The following SLC41A3 variants were observed in gnomAD, a reference collection of about 807,000 sequenced individuals.
SLC41A3 encodes the protein solute carrier family 41 member 3.
Under a neutral mutation model 45.4 loss-of-function variants are expected in SLC41A3, and 44 were observed. The ratio of observed to expected loss-of-function variants is 0.97; its 90% confidence interval spans 0.76 to 1.25. The LOEUF is 1.25. Ranked by LOEUF, SLC41A3 falls within the 50% of genes most tolerant of loss-of-function variation. The pLI is 0.00. For synonymous variants in SLC41A3, 256 were observed against 252.4 expected (o/e 1.01, Z -0.13); for missense variants, 550 against 600.6 (o/e 0.92, Z 0.88).
At chr3:126,086,410 T>TTTTTTTTG, upstream of SLC41A3, among the ~76,000 whole-genome samples, 6 of 128,782 alleles carry the variant, frequency 4.7e-5, no homozygotes, top group Non-Finnish European at 1.0e-4. Context: ...GTTTTCTTGT[T>TTTTTTTTG]TTTTTTTTTT....
At chr3:126,022,414 GAGGGGC>G (rs931219754) in intron 6 of SLC41A3, among the ~76,000 whole-genome samples, 9 of 152,232 alleles carry the variant, frequency 5.9e-5, no homozygotes, top group African/African-American at 2.2e-4. Context: ...ACCCAAGGTC[GAGGGGC>G]AGCATTTGGT....
upstream of SLC41A3, among the ~76,000 whole-genome samples, chr3:126,086,958 G>A (rs916047854): frequency 7.2e-5 from 11 of 152,088 alleles, no homozygotes; most frequent in Admixed American, 5.2e-4. Context: ...TCAAGTTCAC[G>A]TGACAAGTAA....
At chr3:126,033,945 C>T (rs377006671) in intron 3 of SLC41A3, among the ~76,000 whole-genome samples, 2 of 46 alleles carry the variant, frequency 0.043, no homozygotes, top group Non-Finnish European at 0.11. Context: ...ATGACTGCAC[C>T]ACCTGCACAC....
intron 2 of SLC41A3, among the ~76,000 whole-genome samples, chr3:126,055,478 C>T (rs7432425): frequency 0.24 from 35,859 of 152,028 alleles, 4,583 homozygotes; most frequent in Non-Finnish European, 0.28. Context: ...CACGCCATTG[C>T]ATTCCAGCCT....
At chr3:126,015,755 A>G (rs1485729622) in intron 7 of SLC41A3, among the ~76,000 whole-genome samples, 182 bp from the exon 8 acceptor site, 1 of 152,194 alleles carries the variant, frequency 6.6e-6, no homozygotes, top group Admixed American at 6.5e-5. Context: ...CACCCTGCTC[A>G]TGCTTTTCCA....
At chr3:126,015,389 T>C in intron 8 of SLC41A3, 105 bp downstream of exon 8, 2 of 1,121,554 alleles carry the variant, frequency 1.8e-6, no homozygotes, top group Non-Finnish European at 2.6e-6. Context: ...CCCAACTGCC[T>C]GTGCGGGGCT....
At chr3:126,040,130 A>G (rs1020792112) in intron 3 of SLC41A3, among the ~76,000 whole-genome samples, 1 of 152,204 alleles carries the variant, frequency 6.6e-6, no homozygotes, top group Non-Finnish European at 1.5e-5. Context: ...CTGAGCTAGA[A>G]CCATTTCAGC....
chr3:126,011,096 G>A (rs967955374), intron 9 of SLC41A3, among the ~76,000 whole-genome samples: 3 of 152,136 alleles, frequency 2.0e-5, no homozygotes, highest in East Asian at 1.9e-4. Context: ...AGAGTGAGAC[G>A]ACACAGACGT....
At chr3:126,070,687 T>A (rs1210821537) in intron 1 of SLC41A3, among the ~76,000 whole-genome samples, 1 of 152,092 alleles carries the variant, frequency 6.6e-6, no homozygotes, top group Non-Finnish European at 1.5e-5. Context: ...GATTTTCAGA[T>A]AAACAGACAC....
At chr3:126,063,956 C>CCCCCCCA (rs1002674529) in intron 2 of SLC41A3, among the ~76,000 whole-genome samples, 1 of 142,102 alleles carries the variant, frequency 7.0e-6, no homozygotes, top group Admixed American at 7.0e-5. Flanking sequence ...CCAACCCCCC[C>CCCCCCCA]CCGGGGACAC....
chr3:126,015,723 C>A, intron 7 of SLC41A3, 150 bp from the exon 8 acceptor site: 1 of 727,680 alleles, frequency 1.4e-6, no homozygotes, highest in Non-Finnish European at 2.3e-6. Context: ...TGCGGCCAAA[C>A]TGGTCTCCCC....
upstream of SLC41A3, among the ~76,000 whole-genome samples, chr3:126,085,710 T>C (rs1446157531): frequency 6.6e-6 from 1 of 152,130 alleles, no homozygotes; most frequent in Non-Finnish European, 1.5e-5. Context: ...AATTGAACTG[T>C]TGTTTTCATA....
intron 4 of SLC41A3, among the ~76,000 whole-genome samples, chr3:126,028,753 C>T (rs539446202): frequency 1.3e-5 from 2 of 152,378 alleles, no homozygotes; most frequent in Middle Eastern, 3.4e-3. Flanking sequence ...GAGCAGCAGA[C>T]AGGGCGGAAC....
chr3:126,069,100 ATTACTT>A (rs1433603596), intron 1 of SLC41A3, among the ~76,000 whole-genome samples: 1 of 141,356 alleles, frequency 7.1e-6, no homozygotes, highest in Non-Finnish European at 1.6e-5. Context: ...AGTTTTTGCT[ATTACTT>A]TTGACAGCAA....
At chr3:126,017,302 A>G (rs1035561408) in intron 6 of SLC41A3, among the ~76,000 whole-genome samples, 1 of 152,186 alleles carries the variant, frequency 6.6e-6, no homozygotes, top group African/African-American at 2.4e-5. Context: ...ACGTGCAAAA[A>G]AGGGTGGCTG....
At chr3:126,022,320 T>G (rs939552688) in intron 6 of SLC41A3, among the ~76,000 whole-genome samples, 1 of 152,242 alleles carries the variant, frequency 6.6e-6, no homozygotes, top group South Asian at 2.1e-4. Flanking sequence ...TATCAATTTT[T>G]TGCTTTAGTG....
intron 2 of SLC41A3, chr3:126,056,337 C>T (rs939355968): frequency 7.5e-6 from 12 of 1,610,230 alleles, no homozygotes; most frequent in African/African-American, 1.3e-5. Flanking sequence ...ACCCCTGATC[C>T]CCCAAACACC....
At chr3:126,011,622 C>A (rs1939721095) in intron 9 of SLC41A3, among the ~76,000 whole-genome samples, 1 of 152,182 alleles carries the variant, frequency 6.6e-6, no homozygotes, top group African/African-American at 2.4e-5. Context: ...CCAAAAAGTC[C>A]ATACCAATAC....
chr3:126,047,523 A>T (rs568055030), intron 3 of SLC41A3, among the ~76,000 whole-genome samples: 19 of 152,330 alleles, frequency 1.2e-4, no homozygotes, highest in African/African-American at 3.8e-4. Context: ...TTATAAAGCT[A>T]CAGTAATCTA....
Sources: allele counts gnomAD v4.1 joint callset (sites outside exome capture counted in the v4.1 genomes callset), GRCh38; gene constraint gnomAD v4.1.1; transcripts MANE v1.5; gene names NCBI Gene and HGNC (gene_info 2026-07-23, HGNC 2026-07-21).